Variants in CTXND1 observed in about 807,000 individuals in gnomAD.
CTXND1 encodes cortexin domain containing 1.
intron 1 of CTXND1, among the ~76,000 whole-genome samples, chr15:80,210,544 T>G (rs1407657284): frequency 6.6e-6 from 1 of 152,220 alleles, no homozygotes; most frequent in East Asian, 1.9e-4. Context: ...TGGACCTGTA[T>G]TTAATGAAAT....
At chr15:80,249,471 G>C (rs141594060) in intron 1 of CTXND1, among the ~76,000 whole-genome samples, 60 of 152,252 alleles carry the variant, frequency 3.9e-4, no homozygotes, top group Middle Eastern at 6.8e-3. Flanking sequence ...TAATTTCCTT[G>C]TCAGGAAAAT....
chr15:80,247,130 G>T (rs1368215414), intron 1 of CTXND1, among the ~76,000 whole-genome samples: 3 of 152,154 alleles, frequency 2.0e-5, no homozygotes, highest in Non-Finnish European at 4.4e-5. Context: ...AAGATTTGAA[G>T]ACAGGTCAGG....
At chr15:80,229,118 A>G (rs1351962303) in intron 1 of CTXND1, among the ~76,000 whole-genome samples, 3 of 152,122 alleles carry the variant, frequency 2.0e-5, no homozygotes, top group African/African-American at 7.2e-5. Context: ...TGTAAGGTGT[A>G]TGACCCTGAG....
In CTXND1 at chr15:80,201,982, C is replaced by T. The variant is rs1356363641; in HGVS notation, c.-33G>A. The T allele has an allele frequency of 2.8e-5, 11 of 399,002 alleles. No homozygotes were observed. The highest frequency in any genetic ancestry group is 1.3e-4 in the South Asian group (1 of 7,842). The allele number at this position is 399,002 out of a possible 1,614,324, so 24.7% of individuals were successfully genotyped here. On this transcript the variant is annotated 5_prime_UTR_variant, in exon 3 of 3. Transcript: ENST00000560778. ...CAGCGACTGCGGGCTGCTCCTCCTC[C>T]GCCTCGGGTTTGACTGGTACCATTT...
At position 80,199,742 on chromosome 15, in the gene CTXND1, T is replaced by A. The variant is rs1018218307; in HGVS notation, c.*2028A>T. On this transcript the variant is annotated 3_prime_UTR_variant, in exon 3 of 3. Transcript: ENST00000560778. Reference sequence around the variant, plus strand: ...GATGACAACTGGATAGCCCCTGAAATGCTGCCTGAAGAGCTGTGGCCTTGT... The same window carrying A: ...GATGACAACTGGATAGCCCCTGAAAAGCTGCCTGAAGAGCTGTGGCCTTGT... 1 of 152,266 alleles carries A rather than the reference T, an allele frequency of 6.6e-6. No homozygotes were observed. The highest frequency in any genetic ancestry group is 2.4e-5 in the African/African-American group (1 of 41,432). The allele number at this position is 152,266 out of a possible 1,614,324, so 9.4% of individuals were successfully genotyped here.
At chr15:80,227,217 G>A (rs1236134065) in intron 1 of CTXND1, among the ~76,000 whole-genome samples, 1 of 151,784 alleles carries the variant, frequency 6.6e-6, no homozygotes, top group East Asian at 1.9e-4. Flanking sequence ...CAGTACCTTT[G>A]ACATTAAAAA....
At chr15:80,231,093 A>T (rs1443034872) in intron 1 of CTXND1, among the ~76,000 whole-genome samples, 1 of 151,746 alleles carries the variant, frequency 6.6e-6, no homozygotes, top group Non-Finnish European at 1.5e-5. Flanking sequence ...CTTAATTTCC[A>T]AGCATTTAGA....
rs370643471 is a variant in CTXND1, at chr15:80,196,794, T to G, written c.*4976A>C. The stretch of plus-strand genomic sequence containing the variant: ...CACCCAGGGTCCCCTGACCTTTAGC[T>G]TCTGTTGTTTTTGGCCAATGGAAGA... On this transcript the variant is annotated 3_prime_UTR_variant, in exon 3 of 3. Coordinates refer to ENST00000560778, the MANE Select transcript of CTXND1 (RefSeq NM_001352888.2). The G allele has an allele frequency of 5.2e-5, 8 of 152,382 alleles. No individual in the cohort carries two copies. In the East Asian group the frequency reaches 1.5e-3, roughly 29 times the overall value. The allele number at this position is 152,382 out of a possible 1,614,324, so 9.4% of individuals were successfully genotyped here.
rs558450479 is a variant in CTXND1, at chr15:80,202,472, A to G, written c.-65-458T>C. ...TTATATTTATACATGTATTTTACAG[A>G]CAGGGTCTCACTCTGTTGCTCAGGC... On this transcript the variant is annotated intron_variant, in intron 2 of 2. Transcript: ENST00000560778. Among the ~76,000 whole-genome samples, 10 of 152,342 alleles carry G rather than the reference A, an allele frequency of 6.6e-5. No homozygotes were observed. In the South Asian group the frequency reaches 2.1e-3, roughly 32 times the overall value.
chr15:80,231,127 G>A (rs1254323244), intron 1 of CTXND1, among the ~76,000 whole-genome samples: 7 of 150,854 alleles, frequency 4.6e-5, no homozygotes, highest in Non-Finnish European at 3.0e-5. Context: ...TGGTGTGTGT[G>A]TCTTCTTGTT....
intron 1 of CTXND1, among the ~76,000 whole-genome samples, chr15:80,244,936 C>T (rs1468505704): frequency 6.6e-6 from 1 of 152,126 alleles, no homozygotes; most frequent in African/African-American, 2.4e-5. Flanking sequence ...TGGAGCTAGT[C>T]CTTGGGTTTT....
chr15:80,243,817 G>A (rs544950069), intron 1 of CTXND1, among the ~76,000 whole-genome samples: 1 of 152,166 alleles, frequency 6.6e-6, no homozygotes, highest in Non-Finnish European at 1.5e-5. Flanking sequence ...CATGATAATG[G>A]AGCAATGACA....
intron 1 of CTXND1, among the ~76,000 whole-genome samples, chr15:80,233,651 A>T (rs955316853): frequency 7.9e-5 from 12 of 152,130 alleles, no homozygotes; most frequent in Admixed American, 7.9e-4. Flanking sequence ...CCAGGCTCGG[A>T]TTCTGCCCTA....
chr15:80,204,647 G>GTATATATATATATATATATATATA (rs35359063), intron 1 of CTXND1, among the ~76,000 whole-genome samples: 53 of 131,366 alleles, frequency 4.0e-4, no homozygotes, highest in African/African-American at 1.4e-3. Flanking sequence ...ATATTCCATT[G>GTATATATATATATATATATATATA]TATATATATA....
chr15:80,240,759 C>A (rs1332305180), intron 1 of CTXND1, among the ~76,000 whole-genome samples: 3 of 152,170 alleles, frequency 2.0e-5, no homozygotes, highest in Non-Finnish European at 4.4e-5. Flanking sequence ...ATGTCACATT[C>A]AAGGGAAGAT....
intron 1 of CTXND1, among the ~76,000 whole-genome samples, chr15:80,204,169 A>AAAATATAT (rs1555443860): frequency 1.5e-5 from 1 of 65,192 alleles, no homozygotes; most frequent in African/African-American, 7.7e-5. Context: ...AAAAAAAAAA[A>AAAATATAT]ATATATATAT....
intron 1 of CTXND1, among the ~76,000 whole-genome samples, chr15:80,233,537 C>T (rs534054072): frequency 6.6e-6 from 1 of 152,110 alleles, no homozygotes; most frequent in Non-Finnish European, 1.5e-5. Context: ...CAGAAAATAG[C>T]CCCTGGTTTC....
chr15:80,220,137 T>TCTAG (rs1893297726), intron 1 of CTXND1, among the ~76,000 whole-genome samples: 1 of 111,132 alleles, frequency 9.0e-6, no homozygotes, highest in Non-Finnish European at 1.9e-5. Context: ...TATCTATCTA[T>TCTAG]CTATCTATCA....
intron 1 of CTXND1, among the ~76,000 whole-genome samples, chr15:80,231,831 G>A (rs1477672046): frequency 6.6e-6 from 1 of 152,206 alleles, no homozygotes; most frequent in East Asian, 1.9e-4. Context: ...TGTCCACACT[G>A]AGAATAGCAG....
Sources: gnomAD v4.1 joint callset for allele counts (sites outside exome capture counted in the v4.1 genomes callset) on GRCh38, gnomAD v4.1.1 for gene constraint, MANE v1.5 for transcripts, NCBI Gene and HGNC (gene_info 2026-07-23, HGNC 2026-07-21) for gene names.